Variants in SLIT3 observed in about 807,000 individuals in gnomAD.
The protein encoded by SLIT3 is slit guidance ligand 3.
A neutral mutation model predicts 184.0 loss-of-function variants in SLIT3; 68 were observed. That is an observed-to-expected ratio of 0.37 (90% CI 0.30 to 0.45). The LOEUF (loss-of-function observed/expected upper bound fraction) is 0.45. Among genes scored for constraint, SLIT3 ranks in the 20% least tolerant of loss-of-function variants. SLIT3 has a pLI of 1.00. For synonymous variants in SLIT3, 831 were observed against 828.6 expected, an observed-to-expected ratio of 1.00 and a Z score of -0.05; for missense variants, 1,707 against 2,026.0, an observed-to-expected ratio of 0.84 and a Z score of 3.02.
chr5:168,754,575 TG>T (rs1754831115), intron 16 of SLIT3, among the ~76,000 whole-genome samples: 1 of 152,080 alleles, frequency 6.6e-6, no homozygotes, highest in Non-Finnish European at 1.5e-5. Context: ...CACAGTAGGG[TG>T]ACTATAGTTA....
intron 4 of SLIT3, among the ~76,000 whole-genome samples, chr5:168,987,059 G>A (rs62378608): frequency 0.041 from 6,240 of 152,228 alleles, 163 homozygotes; most frequent in Non-Finnish European, 0.057. Flanking sequence ...AAAAATAAAA[G>A]AAGGCTAATA....
At chr5:169,037,344 T>A (rs1757290719) in intron 4 of SLIT3, among the ~76,000 whole-genome samples, 1 of 152,208 alleles carries the variant, frequency 6.6e-6, no homozygotes, top group South Asian at 2.1e-4. Context: ...CATAGCTTTA[T>A]TCGTTAGTGG....
intron 18 of SLIT3, among the ~76,000 whole-genome samples, chr5:168,750,164 G>A (rs894478189): frequency 6.6e-6 from 1 of 152,120 alleles, no homozygotes; most frequent in Admixed American, 6.5e-5. Flanking sequence ...CTACATACAC[G>A]AGGGTAGGGT....
intron 5 of SLIT3, among the ~76,000 whole-genome samples, chr5:168,864,042 C>CA (rs34983916): frequency 0.19 from 19,110 of 98,104 alleles, 1,348 homozygotes; most frequent in East Asian, 0.26. Flanking sequence ...TAAAAAAATA[C>CA]AAAAAAAAAA....
chr5:168,950,078 G>A (rs1376768240), intron 4 of SLIT3, among the ~76,000 whole-genome samples: 1 of 139,492 alleles, frequency 7.2e-6, no homozygotes, highest in Non-Finnish European at 1.5e-5. Flanking sequence ...AAATTCATCT[G>A]TAGAGGCCTA....
chr5:169,061,477 G>T (rs1758171787), intron 4 of SLIT3, among the ~76,000 whole-genome samples: 1 of 152,164 alleles, frequency 6.6e-6, no homozygotes, highest in Non-Finnish European at 1.5e-5. Flanking sequence ...CTGCCCCTCG[G>T]CTCCCTACAA....
chr5:168,681,702 C>T (rs1182439727), intron 32 of SLIT3, among the ~76,000 whole-genome samples: 1 of 152,208 alleles, frequency 6.6e-6, no homozygotes, highest in Non-Finnish European at 1.5e-5. Context: ...TCCTACCACC[C>T]ACACCAGCCT....
intron 4 of SLIT3, among the ~76,000 whole-genome samples, chr5:169,185,332 G>A (rs1048546038): frequency 3.3e-5 from 5 of 152,144 alleles, no homozygotes; most frequent in African/African-American, 1.2e-4. Context: ...CTGAAAAAAC[G>A]TGACCCCATG....
chr5:169,038,554 G>A (rs1757337967), intron 4 of SLIT3, among the ~76,000 whole-genome samples: 1 of 152,198 alleles, frequency 6.6e-6, no homozygotes, highest in African/African-American at 2.4e-5. Flanking sequence ...GAAAGGTATA[G>A]GTGGATGAGG....
intron 4 of SLIT3, among the ~76,000 whole-genome samples, chr5:169,132,116 A>G (rs1423597296): frequency 2.0e-5 from 3 of 152,106 alleles, no homozygotes; most frequent in African/African-American, 7.2e-5. Context: ...TGTTTGAAGT[A>G]CCCCACATGT....
At chr5:169,223,022 G>A (rs1273044060) in intron 3 of SLIT3, among the ~76,000 whole-genome samples, 1 of 152,084 alleles carries the variant, frequency 6.6e-6, no homozygotes, top group African/African-American at 2.4e-5. Flanking sequence ...AGTTCAAAGG[G>A]GCACTGTGAC....
At chr5:169,231,616 A>G (rs1765006195) in intron 3 of SLIT3, among the ~76,000 whole-genome samples, 2 of 152,200 alleles carry the variant, frequency 1.3e-5, no homozygotes, top group African/African-American at 4.8e-5. Context: ...TCTAATGTCA[A>G]CGAGTATTTG....
intron 4 of SLIT3, among the ~76,000 whole-genome samples, chr5:168,903,101 TGCTGA>T (rs1760925268): frequency 6.6e-6 from 1 of 152,238 alleles, no homozygotes; most frequent in Non-Finnish European, 1.5e-5. Context: ...GTTTTCCTTG[TGCTGA>T]TTTGAAGAGC....
In SLIT3 at chr5:168,772,826, T is replaced by C. The variant is rs765795504; in HGVS notation, c.1414A>G (p.Asn472Asp). The C allele has an allele frequency of 1.2e-6, 2 of 1,614,114 alleles. No homozygotes were observed. The highest frequency in any genetic ancestry group is 1.7e-6 in the Non-Finnish European group (2 of 1,180,024). Residue 472 changes from asparagine (N) to aspartate (D), a missense_variant, in exon 14 of 36, where the codon AAC becomes GAC. Asn to Asp is a conservative substitution (Grantham distance 23). Around this residue, in one of 3 missense-constraint regions of SLIT3, gnomAD observed 1,307 missense variants for 1,511.6 expected, o/e 0.86. Transcript: ENST00000519560. ...ARCSSPRRLA[N>D]KRISQIKSKK... ...CTCTTGATCTGGCTGATGCGCTTGT[T>C]GGCGAGTCGGCGCGGGCTGCTGCAG...
rs116366510 is a variant in SLIT3 at position 168,935,833 on chromosome 5, G to A, written c.414-52497C>T. ...CTGTGCTCACAGACAACTGTGGTAC[G>A]GTTTCTTTGAGCAACATCCTTTGTA... On this transcript the variant is annotated intron_variant, in intron 4 of 35. Coordinates refer to ENST00000519560, the MANE Select transcript of SLIT3 (RefSeq NM_003062.4). Among the ~76,000 whole-genome samples, 167 of 152,288 alleles carry A rather than the reference G, an allele frequency of 1.1e-3. 1 individual carries two copies. The highest frequency in any genetic ancestry group is 3.7e-3 in the African/African-American group (153 of 41,562).
At chr5:168,779,187 G>T (rs1446571693) in intron 12 of SLIT3, among the ~76,000 whole-genome samples, 2 of 152,200 alleles carry the variant, frequency 1.3e-5, no homozygotes, top group Non-Finnish European at 2.9e-5. Context: ...CAACCCGTAA[G>T]AGGTAGGATA....
intron 4 of SLIT3, among the ~76,000 whole-genome samples, chr5:169,150,115 T>C (rs1400297571): frequency 1.3e-5 from 2 of 152,224 alleles, no homozygotes; most frequent in Admixed American, 6.5e-5. Context: ...ATTATAAATA[T>C]GCCTTATATG....
chr5:168,783,848 C>T (rs1756059451), intron 12 of SLIT3, among the ~76,000 whole-genome samples: 1 of 152,174 alleles, frequency 6.6e-6, no homozygotes, highest in Non-Finnish European at 1.5e-5. Context: ...TGTGTCAACT[C>T]TTGGTCTCAA....
At chr5:168,696,555 G>A in intron 27 of SLIT3, 124 bp from the exon 28 acceptor site, 5 of 1,157,972 alleles carry the variant, frequency 4.3e-6, no homozygotes, top group South Asian at 1.4e-5. Context: ...GGAGGTCTGA[G>A]AAAGCACTTT....
Sources: allele counts gnomAD v4.1 joint callset (sites outside exome capture counted in the v4.1 genomes callset), GRCh38; gene constraint gnomAD v4.1.1; regional missense constraint gnomAD v4.1.1; transcripts MANE v1.5; gene names NCBI Gene and HGNC (gene_info 2026-07-23, HGNC 2026-07-21).